MSI2: variants seen among roughly 807,000 people sequenced by gnomAD.
MSI2 encodes the protein musashi RNA binding protein 2.
MSI2 carries 17 observed loss-of-function variants against 45.6 expected under a neutral mutation model. That is an observed-to-expected ratio of 0.37 (90% CI 0.26 to 0.56). The LOEUF (loss-of-function observed/expected upper bound fraction) is 0.56, where lower values mean the gene tolerates loss of function less well. MSI2 is among the 20% of genes least tolerant of loss of function. The pLI is 0.77. For synonymous variants in MSI2, 156 were observed against 158.2 expected, an observed-to-expected ratio of 0.99 and a Z score of 0.11; for missense variants, 293 against 444.2, an observed-to-expected ratio of 0.66 and a Z score of 3.06.
At chr17:57,368,043 G>C (rs1207258408) in intron 5 of MSI2, among the ~76,000 whole-genome samples, 1 of 152,194 alleles carries the variant, frequency 6.6e-6, no homozygotes, top group Non-Finnish European at 1.5e-5. Context: ...CTAGAACAGT[G>C]GTACCCAAAT....
Position 57,256,690 on chromosome 17 carries a change from C to T in MSI2, c.-53C>T, listed in dbSNP as rs1906749521. 1.7e-5 allele frequency: 15 copies of T among 890,698 alleles called. No individual in the cohort carries two copies. In the South Asian group the frequency reaches 2.0e-4, roughly 12 times the overall value. The allele number at this position is 890,698 out of a possible 1,614,324, so 55.2% of individuals were successfully genotyped here. A position where few individuals can be genotyped will look rare whatever the true frequency, so the allele number is the denominator to read the frequency against. On this transcript the variant is annotated 5_prime_UTR_variant, in exon 1 of 14. Transcript: ENST00000284073. ...CTCGGAGCCGGCCGCCGCTCCGCTC[C>T]GATCGCTGTGGGGCTTGGTTTTTTG...
At chr17:57,465,268 C>T (rs766781503) in intron 6 of MSI2, among the ~76,000 whole-genome samples, 37 of 151,586 alleles carry the variant, frequency 2.4e-4, no homozygotes, top group Non-Finnish European at 4.9e-4. Context: ...TCGAGAACAG[C>T]CTGAGCAACA....
At chr17:57,308,370 CT>C (rs1912096625) in intron 5 of MSI2, among the ~76,000 whole-genome samples, 1 of 152,130 alleles carries the variant, frequency 6.6e-6, no homozygotes, top group Non-Finnish European at 1.5e-5. Flanking sequence ...AAATATCAAG[CT>C]TTTTCATGTG....
chr17:57,516,079 G>A (rs2086463709), intron 6 of MSI2, among the ~76,000 whole-genome samples: 1 of 152,092 alleles, frequency 6.6e-6, no homozygotes. Context: ...ATGTGTATTT[G>A]TGTGTAATTC....
chr17:57,517,547 A>G (rs564188241), intron 6 of MSI2, among the ~76,000 whole-genome samples: 4 of 152,132 alleles, frequency 2.6e-5, no homozygotes, highest in Non-Finnish European at 4.4e-5. Context: ...GGAGTCTTGG[A>G]GAAGGGATTC....
chr17:57,647,000 A>T (rs1367281615), intron 10 of MSI2, among the ~76,000 whole-genome samples: 2 of 151,752 alleles, frequency 1.3e-5, no homozygotes, highest in Non-Finnish European at 2.9e-5. Context: ...CACTAGGGTC[A>T]TGCCTGACCC....
At chr17:57,300,237 T>G (rs1426175828) in intron 5 of MSI2, among the ~76,000 whole-genome samples, 1 of 152,186 alleles carries the variant, frequency 6.6e-6, no homozygotes, top group African/African-American at 2.4e-5. Flanking sequence ...TTACTCTCAT[T>G]CCAGGTGTCT....
chr17:57,305,415 C>T (rs931064183), intron 5 of MSI2, among the ~76,000 whole-genome samples: 1 of 152,258 alleles, frequency 6.6e-6, no homozygotes, highest in African/African-American at 2.4e-5. Context: ...TGCCTTCTTG[C>T]AAACAAACAG....
chr17:57,257,876 C>T (rs1906949218), intron 3 of MSI2, among the ~76,000 whole-genome samples: 1 of 152,066 alleles, frequency 6.6e-6, no homozygotes, highest in Non-Finnish European at 1.5e-5. Context: ...GTGTTTCCCC[C>T]ACACTCCCAG....
chr17:57,632,828 A>G (rs1313349463), intron 10 of MSI2: 4 of 1,065,022 alleles, frequency 3.8e-6, no homozygotes, highest in South Asian at 4.5e-5. Context: ...GAGTGAATCC[A>G]TACATTTGAA....
chr17:57,362,285 T>A (rs1411975862), intron 5 of MSI2, among the ~76,000 whole-genome samples: 1 of 152,216 alleles, frequency 6.6e-6, no homozygotes, highest in Non-Finnish European at 1.5e-5. Context: ...GCACTTCCAT[T>A]TTGTTCGGTA....
At chr17:57,533,053 A>G (rs1289475030) in intron 7 of MSI2, among the ~76,000 whole-genome samples, 2 of 152,192 alleles carry the variant, frequency 1.3e-5, no homozygotes, top group East Asian at 3.9e-4. Flanking sequence ...GGGCCCATTC[A>G]GTCTCCACTT....
intron 10 of MSI2, among the ~76,000 whole-genome samples, chr17:57,647,370 A>C (rs1056846173): frequency 6.7e-6 from 1 of 148,466 alleles, no homozygotes. Context: ...AATTGCTTGA[A>C]CCCTGGAGGC....
intron 8 of MSI2, among the ~76,000 whole-genome samples, chr17:57,610,109 G>A (rs1275108759): frequency 6.6e-6 from 1 of 152,088 alleles, no homozygotes; most frequent in Non-Finnish European, 1.5e-5. Flanking sequence ...GATTACGTAA[G>A]AAAATGCCCT....
chr17:57,474,611 T>C (rs2085502854), intron 6 of MSI2, among the ~76,000 whole-genome samples: 1 of 152,230 alleles, frequency 6.6e-6, no homozygotes, highest in Non-Finnish European at 1.5e-5. Context: ...TGAGAATCAC[T>C]ACCTGAAACC....
chr17:57,550,715 T>G (rs775570150), intron 7 of MSI2, among the ~76,000 whole-genome samples: 8 of 152,312 alleles, frequency 5.3e-5, no homozygotes, highest in Non-Finnish European at 1.0e-4. Flanking sequence ...TTGGAGATTT[T>G]CAGCCTGGGG....
chr17:57,687,523 G>A (rs1319735561), downstream of MSI2, among the ~76,000 whole-genome samples: 1 of 151,864 alleles, frequency 6.6e-6, no homozygotes, highest in East Asian at 1.9e-4. Flanking sequence ...AAATTTCTTA[G>A]CAAATATAAA....
intron 5 of MSI2, among the ~76,000 whole-genome samples, chr17:57,383,676 TA>T (rs2083637195): frequency 6.6e-6 from 1 of 152,006 alleles, no homozygotes; most frequent in Admixed American, 6.5e-5. Flanking sequence ...AATAAAATAA[TA>T]AAATAGAAAT....
At chr17:57,484,157 C>T (rs2085705141) in intron 6 of MSI2, among the ~76,000 whole-genome samples, 1 of 152,234 alleles carries the variant, frequency 6.6e-6, no homozygotes, top group African/African-American at 2.4e-5. Flanking sequence ...TTCTCTCTGG[C>T]TCACCTTCCT....
Sources: gnomAD v4.1 joint callset for allele counts (sites outside exome capture counted in the v4.1 genomes callset) on GRCh38, gnomAD v4.1.1 for gene constraint, MANE v1.5 for transcripts, NCBI Gene and HGNC (gene_info 2026-07-23, HGNC 2026-07-21) for gene names.